Variants in TAS2R1 observed in about 807,000 individuals in gnomAD.
TAS2R1 encodes the protein taste 2 receptor member 1, also known as taste receptor type 2 member 1.
For synonymous variants in TAS2R1, 141 were observed against 134.2 expected (o/e 1.05, Z -0.35); for missense variants, 370 against 353.4 (o/e 1.05, Z -0.38).
At chr5:9,903,651 G>T in the TAS2R1 span, 2 of 152,132 alleles carry the variant, frequency 1.3e-5, no homozygotes. Flanking sequence ...GCTCTGGGCT[G>T]GTACTGGAGA....
At chr5:9,659,810 A>C (rs1276239257) in intron 1 of TAS2R1, 1 of 151,954 alleles carries the variant, frequency 6.6e-6, no homozygotes, top group Non-Finnish European at 1.5e-5. Context: ...AATCACCTAC[A>C]CTTAAGGACC....
chr5:9,843,477 A>T, the TAS2R1 span, among the ~76,000 whole-genome samples: 2 of 152,170 alleles, frequency 1.3e-5, no homozygotes, highest in African/African-American at 4.8e-5. Flanking sequence ...CACGATTTTC[A>T]CTTTTAATCT....
At chr5:9,899,592 G>A in the TAS2R1 span, among the ~76,000 whole-genome samples, 11 of 149,684 alleles carry the variant, frequency 7.3e-5, no homozygotes, top group East Asian at 3.9e-4. Flanking sequence ...AGCCCAGATC[G>A]CGCCACTGCA....
the TAS2R1 span, among the ~76,000 whole-genome samples, chr5:9,735,974 C>G: frequency 6.6e-6 from 1 of 152,190 alleles, no homozygotes; most frequent in East Asian, 1.9e-4. Flanking sequence ...TGAAAAAGCT[C>G]CATCTATTCC....
chr5:9,686,124 C>T (rs1741119346), intron 1 of TAS2R1, among the ~76,000 whole-genome samples: 1 of 152,212 alleles, frequency 6.6e-6, no homozygotes, highest in Admixed American at 6.5e-5. Flanking sequence ...CTCAGCCTCC[C>T]AAAATGCTGG....
chr5:9,849,101 G>T, the TAS2R1 span, among the ~76,000 whole-genome samples: 5 of 152,220 alleles, frequency 3.3e-5, no homozygotes, highest in Admixed American at 3.3e-4. Context: ...ACAGCATTTG[G>T]CTGGGACCCA....
intron 2 of TAS2R1, among the ~76,000 whole-genome samples, chr5:9,650,953 G>A (rs190932710): frequency 6.6e-6 from 1 of 152,284 alleles, no homozygotes; most frequent in Admixed American, 6.5e-5. Context: ...AAATACAACT[G>A]CTGATCAATG....
chr5:9,733,719 T>A, the TAS2R1 span, among the ~76,000 whole-genome samples: 1 of 152,092 alleles, frequency 6.6e-6, no homozygotes, highest in Admixed American at 6.5e-5. Context: ...TTGTTATGCG[T>A]GAGAAAATGG....
the TAS2R1 span, among the ~76,000 whole-genome samples, chr5:9,758,357 G>A: frequency 6.6e-6 from 1 of 152,102 alleles, no homozygotes; most frequent in African/African-American, 2.4e-5. Flanking sequence ...AACATATACA[G>A]AATTTACAGC....
the TAS2R1 span, among the ~76,000 whole-genome samples, chr5:9,826,051 G>A: frequency 6.6e-6 from 1 of 151,874 alleles, no homozygotes; most frequent in Non-Finnish European, 1.5e-5. Context: ...AAAAAGAAAC[G>A]GTAATTTTTA....
chr5:9,667,675 A>C (rs2126500293), intron 1 of TAS2R1, among the ~76,000 whole-genome samples: 1 of 152,314 alleles, frequency 6.6e-6, no homozygotes, highest in Admixed American at 6.5e-5. Context: ...CTCCTCCAAG[A>C]CCCAGGAGTG....
chr5:9,707,494 C>T (rs931198690), intron 1 of TAS2R1, among the ~76,000 whole-genome samples: 3 of 152,186 alleles, frequency 2.0e-5, no homozygotes, highest in South Asian at 2.1e-4. Flanking sequence ...ACCAGCCTGG[C>T]CAACATGGGG....
the TAS2R1 span, among the ~76,000 whole-genome samples, chr5:9,852,327 A>AAG: frequency 1.4e-4 from 21 of 152,002 alleles, no homozygotes; most frequent in African/African-American, 5.1e-4. Flanking sequence ...TTAACTGTAG[A>AAG]TCACAAGAGT....
chr5:9,668,785 C>A (rs542484580), intron 1 of TAS2R1, among the ~76,000 whole-genome samples: 2 of 151,828 alleles, frequency 1.3e-5, no homozygotes, highest in Non-Finnish European at 1.5e-5. Flanking sequence ...AAGCAAAGAC[C>A]ATTACTAGCT....
At chr5:9,656,650 T>G (rs2126492354) in intron 2 of TAS2R1, among the ~76,000 whole-genome samples, 1 of 152,318 alleles carries the variant, frequency 6.6e-6, no homozygotes, top group Non-Finnish European at 1.5e-5. Context: ...ATTCTAATGT[T>G]AATCTCATCC....
the TAS2R1 span, among the ~76,000 whole-genome samples, chr5:9,847,558 G>C: frequency 4.6e-5 from 7 of 152,320 alleles, no homozygotes; most frequent in East Asian, 1.4e-3. Flanking sequence ...GCAGGATGCA[G>C]CTAGAGCAAA....
chr5:9,666,951 T>C (rs1740646933), intron 1 of TAS2R1, among the ~76,000 whole-genome samples: 2 of 152,058 alleles, frequency 1.3e-5, no homozygotes, highest in Admixed American at 6.6e-5. Flanking sequence ...ATAGCGATAT[T>C]AACTAAAAAA....
intron 2 of TAS2R1, among the ~76,000 whole-genome samples, chr5:9,647,581 G>A (rs555932607): frequency 1.8e-3 from 272 of 152,252 alleles, no homozygotes; most frequent in Non-Finnish European, 2.6e-3. Context: ...CTCCAGCCAC[G>A]TGAATAGAGC....
chr5:9,775,614 A>T, the TAS2R1 span, among the ~76,000 whole-genome samples: 1 of 152,106 alleles, frequency 6.6e-6, no homozygotes, highest in East Asian at 1.9e-4. Context: ...GCTGTTGATT[A>T]TTCAGGGCTC....
Sources: gnomAD v4.1 joint callset for allele counts (sites outside exome capture counted in the v4.1 genomes callset) on GRCh38, gnomAD v4.1.1 for gene constraint, MANE v1.5 for transcripts, NCBI Gene and HGNC (gene_info 2026-07-23, HGNC 2026-07-21) for gene names.